PLEKHA3: variants seen among roughly 807,000 people sequenced by gnomAD.
PLEKHA3 encodes the protein pleckstrin homology domain containing A3.
In PLEKHA3, 19 loss-of-function variants were observed where a neutral mutation model predicts 39.2. That is an observed-to-expected ratio of 0.48 (90% CI 0.34 to 0.71). The LOEUF (loss-of-function observed/expected upper bound fraction) is 0.71, where lower values mean the gene tolerates loss of function less well. Among genes scored for constraint, PLEKHA3 ranks in the 30% least tolerant of loss-of-function variants. The pLI is 0.01. For synonymous variants in PLEKHA3, 97 were observed against 118.6 expected (o/e 0.82, Z 1.18); for missense variants, 253 against 359.5 (o/e 0.70, Z 2.40).
chr2:178,480,976 C>G (rs1575140456), intron 1 of PLEKHA3, 67 bp downstream of exon 1: 2 of 1,271,466 alleles, frequency 1.6e-6, no homozygotes, highest in Non-Finnish European at 2.0e-6. Context: ...CGGGTCGGGG[C>G]TCCTCTTCCT....
rs1685742912 is a variant in PLEKHA3, at chr2:178,515,106, T to G, written c.*11219T>G. ...ACTGTATGTTGGCATTTGCCACTTTTGGGGATTTGACTCCTGCAGGTATTT... is the reference window on the plus strand; with the variant it reads ...ACTGTATGTTGGCATTTGCCACTTTGGGGGATTTGACTCCTGCAGGTATTT... On this transcript the variant is annotated 3_prime_UTR_variant, in exon 8 of 8. Transcript: ENST00000234453. The G allele has an allele frequency of 6.6e-6, 1 of 151,012 alleles. No homozygotes were observed. Among genetic ancestry groups the G allele is most frequent in the African/African-American group, 2.4e-5 (1 of 41,088 alleles). 9.4% of individuals were successfully genotyped at this position (151,012 alleles called of 1,614,324 possible).
At chr2:178,491,239 G>A (rs1228367778) in intron 3 of PLEKHA3, among the ~76,000 whole-genome samples, 1 of 152,084 alleles carries the variant, frequency 6.6e-6, no homozygotes, top group Middle Eastern at 3.2e-3. Context: ...TCGAATTCCC[G>A]ACCTCAGGTA....
intron 7 of PLEKHA3, chr2:178,502,208 G>T: frequency 5.4e-6 from 1 of 185,290 alleles, no homozygotes; most frequent in South Asian, 9.9e-5. Flanking sequence ...GTCATTTTTG[G>T]ATTTTTAGGA....
chr2:178,500,508 G>A (rs982537118), intron 6 of PLEKHA3, among the ~76,000 whole-genome samples: 8 of 152,030 alleles, frequency 5.3e-5, no homozygotes, highest in African/African-American at 1.9e-4. Flanking sequence ...GTAAAGTTGG[G>A]CTGTTACAAA....
At position 178,495,154 on chromosome 2, in the gene PLEKHA3, A is replaced by T. The variant is rs573716500; in HGVS notation, c.451-342A>T. On this transcript the variant is annotated intron_variant, in intron 4 of 7. Transcript: ENST00000234453. ...CTAAGGGTATTCCATGTCTGTGTCC[A>T]CTTTTGGGAAAGTGAAAATTACTGT... 3.9e-5 allele frequency among the ~76,000 whole-genome samples: 6 copies of T among 152,252 alleles called. No homozygotes were observed. In the South Asian group the frequency reaches 1.2e-3, roughly 32 times the overall value.
In PLEKHA3 at chr2:178,493,787, A is replaced by G. The variant is rs1323062964; in HGVS notation, c.314-66A>G. ...ATTCATTGCTTTTTTAAATGATTAC[A>G]TTTTGTTACATTGCTCAAAGAATAT... On this transcript the variant is annotated intron_variant, in intron 3 of 7. Coordinates refer to ENST00000234453, the MANE Select transcript of PLEKHA3 (RefSeq NM_019091.4). 7.1e-6 allele frequency: 10 copies of G among 1,406,098 alleles called. No individual in the cohort carries two copies. In the East Asian group the frequency reaches 2.2e-4, roughly 30 times the overall value. 87.1% of individuals were successfully genotyped at this position (1,406,098 alleles called of 1,614,324 possible).
At position 178,504,725 on chromosome 2, in the gene PLEKHA3, T is replaced by G. The variant is rs1685579912; in HGVS notation, c.*838T>G. On this transcript the variant is annotated 3_prime_UTR_variant, in exon 8 of 8. Transcript: ENST00000234453. Reference sequence around the variant, plus strand: ...AGTGCTTTTTTTTTCCTAAAATAGATATTAAGCTGCTGTTGTAAAGTATTG... The same window carrying G: ...AGTGCTTTTTTTTTCCTAAAATAGAGATTAAGCTGCTGTTGTAAAGTATTG... 1 of 152,314 alleles carries G rather than the reference T, an allele frequency of 6.6e-6. No homozygotes were observed. The highest frequency in any genetic ancestry group is 2.4e-5 in the African/African-American group (1 of 41,430). The allele number at this position is 152,314 out of a possible 1,614,324, so 9.4% of individuals were successfully genotyped here.
intron 1 of PLEKHA3, among the ~76,000 whole-genome samples, chr2:178,482,343 A>G (rs528238909): frequency 6.6e-6 from 1 of 152,150 alleles, no homozygotes. Context: ...CCTGGGCCAC[A>G]TAGGGAGACG....
intron 2 of PLEKHA3, 130 bp from the exon 3 acceptor site, chr2:178,490,529 C>T (rs1685327066): frequency 3.1e-6 from 3 of 954,182 alleles, no homozygotes; most frequent in South Asian, 3.6e-5. Flanking sequence ...GCAGCACTGC[C>T]TGCATCATGA....
At chr2:178,498,569 C>A (rs1201753518) in intron 5 of PLEKHA3, among the ~76,000 whole-genome samples, 1 of 152,082 alleles carries the variant, frequency 6.6e-6, no homozygotes, top group Non-Finnish European at 1.5e-5. Flanking sequence ...GTTGGATCTT[C>A]CAAATTATGT....
intron 2 of PLEKHA3, among the ~76,000 whole-genome samples, chr2:178,486,015 C>T (rs1685246119): frequency 6.6e-6 from 1 of 152,158 alleles, no homozygotes. Flanking sequence ...CAAACAATTT[C>T]TTGTGGATAC....
In PLEKHA3 at chr2:178,494,019, G is replaced by A. The variant is rs370238444; in HGVS notation, c.450+30G>A. 872 of 1,607,060 alleles carry A rather than the reference G, an allele frequency of 5.4e-4. No homozygotes were observed. The highest frequency in any genetic ancestry group is 6.9e-4 in the Non-Finnish European group (813 of 1,176,878). ...AGCGAAGAGGATCTCTTCACGTGTG[G>A]TTATGCTTTGGAGTACTCTGGGGGG... is the stretch of plus-strand genomic sequence containing the variant. On this transcript the variant is annotated intron_variant, in intron 4 of 7. Transcript: ENST00000234453.
At chr2:178,497,060 A>C (rs1270282471) in intron 5 of PLEKHA3, among the ~76,000 whole-genome samples, 1 of 152,058 alleles carries the variant, frequency 6.6e-6, no homozygotes, top group Non-Finnish European at 1.5e-5. Flanking sequence ...TGTTGGGATT[A>C]CAGGCATAAG....
chr2:178,484,002 A>G (rs1685211692), intron 1 of PLEKHA3, among the ~76,000 whole-genome samples: 1 of 152,134 alleles, frequency 6.6e-6, no homozygotes, highest in South Asian at 2.1e-4. Context: ...TTTTGAGCCT[A>G]GGAGGTTGAG....
Position 178,515,729 on chromosome 2 carries a change from T to C in PLEKHA3, c.*11842T>C, listed in dbSNP as rs554177010. ...TTTTTGTAATTTTTTTGCTTTCTAA[T>C]TCTTGAGTGAATTTAAAACTCACTG... On this transcript the variant is annotated 3_prime_UTR_variant, in exon 8 of 8. Transcript: ENST00000234453. The C allele has an allele frequency of 1.2e-4, 19 of 152,232 alleles. No homozygotes were observed. In the South Asian group the frequency reaches 3.7e-3, roughly 30 times the overall value. The allele number at this position is 152,232 out of a possible 1,614,324, so 9.4% of individuals were successfully genotyped here.
intron 3 of PLEKHA3, 81 bp downstream of exon 3, chr2:178,490,895 T>G: frequency 9.2e-7 from 1 of 1,086,002 alleles, no homozygotes; most frequent in East Asian, 2.7e-5. Context: ...CTGTCCACTT[T>G]TAGTATCTAT....
intron 7 of PLEKHA3, among the ~76,000 whole-genome samples, chr2:178,502,930 G>T (rs1365646311): frequency 2.0e-5 from 3 of 151,888 alleles, no homozygotes; most frequent in African/African-American, 7.3e-5. Flanking sequence ...CTAGTTTAGT[G>T]TTTCAATTAG....
At chr2:178,485,616 C>A (rs1559382338) in intron 1 of PLEKHA3, 25 bp from the exon 2 acceptor site, 1 of 1,462,562 alleles carries the variant, frequency 6.8e-7, no homozygotes, top group South Asian at 1.1e-5. Flanking sequence ...TCCAATTGAC[C>A]TTTTGTTATT....
In PLEKHA3 at chr2:178,510,303, AT is replaced by A. The variant is rs1685663803; in HGVS notation, c.*6420del. The A allele has an allele frequency of 6.5e-6, 1 of 153,798 alleles. No homozygotes were observed. Among genetic ancestry groups the A allele is most frequent in the African/African-American group, 2.4e-5 (1 of 41,466 alleles). 9.5% of individuals were successfully genotyped at this position (153,798 alleles called of 1,614,324 possible). ...TAAAAGTTTTAAAAAGAGTATAACA[AT>A]TTTGATGTGCTTTTAAGCTTTATTG... is the stretch of plus-strand genomic sequence containing the variant. On this transcript the variant is annotated 3_prime_UTR_variant, in exon 8 of 8. Transcript: ENST00000234453.
Sources: gnomAD v4.1 joint callset for allele counts (sites outside exome capture counted in the v4.1 genomes callset) on GRCh38, gnomAD v4.1.1 for gene constraint, MANE v1.5 for transcripts, NCBI Gene and HGNC (gene_info 2026-07-23, HGNC 2026-07-21) for gene names.